Variants in RBBP8 observed in about 807,000 individuals in gnomAD.
The protein encoded by RBBP8 is RB binding protein 8, endonuclease.
RBBP8 carries 88 observed loss-of-function variants against 108.3 expected under a neutral mutation model. The ratio of observed to expected loss-of-function variants is 0.81; its 90% CI spans 0.68 to 0.97. The LOEUF (loss-of-function observed/expected upper bound fraction) is 0.97. RBBP8 is among the 50% of genes least tolerant of loss of function. The pLI, the probability that RBBP8 is intolerant of heterozygous loss-of-function variation, is 0.00. For synonymous variants in RBBP8, 332 were observed against 348.2 expected, an observed-to-expected ratio of 0.95 and a Z score of 0.52; for missense variants, 1,023 against 1,049.0, an observed-to-expected ratio of 0.98 and a Z score of 0.34.
At chr18:22,995,741 C>A (rs1264929723) in intron 12 of RBBP8, among the ~76,000 whole-genome samples, 1 of 151,888 alleles carries the variant, frequency 6.6e-6, no homozygotes, top group African/African-American at 2.4e-5. Context: ...TATTTTATTT[C>A]TTTTTATTGG....
chr18:22,955,735 G>T (rs113541371), intron 4 of RBBP8, among the ~76,000 whole-genome samples: 1 of 147,050 alleles, frequency 6.8e-6, no homozygotes, highest in African/African-American at 2.5e-5. Flanking sequence ...CCACTGCCTC[G>T]CCCGGCTAAT....
chr18:22,977,254 C>T (rs1050598087), intron 6 of RBBP8, among the ~76,000 whole-genome samples: 1 of 151,908 alleles, frequency 6.6e-6, no homozygotes, highest in East Asian at 1.9e-4. Flanking sequence ...TAAAGGCAAC[C>T]TAATTTTCTC....
intron 17 of RBBP8, among the ~76,000 whole-genome samples, chr18:23,020,616 G>A (rs1207525111): frequency 6.7e-6 from 1 of 149,882 alleles, no homozygotes; most frequent in East Asian, 1.9e-4. Context: ...AATCTTTTTA[G>A]AATAAAAGTT....
chr18:22,934,542 C>T (rs1598630423), intron 1 of RBBP8, among the ~76,000 whole-genome samples: 1 of 150,964 alleles, frequency 6.6e-6, no homozygotes, highest in East Asian at 1.9e-4. Context: ...ATTTTTTATA[C>T]TTTAAGTTCT....
At position 22,992,969 on chromosome 18, in the gene RBBP8, A is replaced by C; in HGVS notation, c.1142A>C (p.Asp381Ala). ...GAAAAAACTAGATCAAAATCTGAAG[A>C]TAGTGCCCTTTTCACACATCACAGT... ...RLEKTRSKSE[D>A]SALFTHHSLG... is the part of the protein sequence containing the mutation. The change falls in exon 11 of 19, where the codon GAT becomes GCT. Residue 381 changes from aspartate to alanine, a missense_variant. Asp to Ala is a moderately radical substitution (Grantham distance 126). Coordinates refer to ENST00000327155, the MANE Select transcript of RBBP8 (RefSeq NM_002894.3). The C allele has an allele frequency of 6.2e-7, 1 of 1,613,700 alleles. No individual in the cohort carries two copies. Among genetic ancestry groups the C allele is most frequent in the Non-Finnish European group, 8.5e-7 (1 of 1,179,568 alleles).
At chr18:23,019,571 C>T (rs2046314306) in intron 17 of RBBP8, among the ~76,000 whole-genome samples, 1 of 152,154 alleles carries the variant, frequency 6.6e-6, no homozygotes, top group Non-Finnish European at 1.5e-5. Context: ...TATCTGCCCT[C>T]AATTCCCAAA....
In RBBP8 at chr18:23,001,620, T is replaced by C. The variant is rs754854877; in HGVS notation, c.2178T>C (p.Asp726=). ...GAAAAATGAATGATAGCTTGGAAGA[T>C]ATGTTTGATCGGACAACACATGAAG... is the stretch of plus-strand genomic sequence containing the variant. ...EERKMNDSLE[D]MFDRTTHEEY... Residue 726 remains aspartate, a synonymous_variant, in exon 15 of 19, where the codon GAT becomes GAC. Coordinates refer to ENST00000327155, the MANE Select transcript of RBBP8 (RefSeq NM_002894.3). The C allele has an allele frequency of 1.9e-6, 3 of 1,614,106 alleles. No individual in the cohort carries two copies. Among genetic ancestry groups the C allele is most frequent in the South Asian group, 2.2e-5 (2 of 91,076 alleles).
chr18:22,972,341 G>A (rs566599525), intron 5 of RBBP8, among the ~76,000 whole-genome samples: 69 of 121,994 alleles, frequency 5.7e-4, no homozygotes, highest in African/African-American at 2.1e-3. Flanking sequence ...GCGACAGAGC[G>A]AGACTCCCTC....
In RBBP8 at chr18:23,026,320, GA is replaced by G. The variant is rs1226944380; in HGVS notation, c.*81del. On this transcript the variant is annotated 3_prime_UTR_variant, in exon 19 of 19. Transcript: ENST00000327155. ...ATAGTTAAAGTTGGTACTAAACATT[GA>G]TTTTTTTGATCTTCTGTAAATGGAT... 3 of 1,151,048 alleles carry G rather than the reference GA, an allele frequency of 2.6e-6. No individual in the cohort carries two copies. In the African/African-American group the frequency reaches 4.6e-5, roughly 18 times the overall value. 71.3% of individuals were successfully genotyped at this position (1,151,048 alleles called of 1,614,324 possible).
chr18:22,940,905 C>A (rs563952189), intron 2 of RBBP8, among the ~76,000 whole-genome samples: 59 of 152,122 alleles, frequency 3.9e-4, no homozygotes, highest in African/African-American at 1.4e-3. Flanking sequence ...CATTGGCCTC[C>A]AAAAGTGCTA....
At chr18:22,954,779 G>A (rs534665725) in intron 4 of RBBP8, among the ~76,000 whole-genome samples, 3 of 152,230 alleles carry the variant, frequency 2.0e-5, no homozygotes, top group East Asian at 1.9e-4. Flanking sequence ...CAATCATGGC[G>A]AAGGGGGAGT....
At chr18:23,022,841 G>A (rs1039685494) in intron 18 of RBBP8, among the ~76,000 whole-genome samples, 1 of 151,308 alleles carries the variant, frequency 6.6e-6, no homozygotes, top group Non-Finnish European at 1.5e-5. Flanking sequence ...TAATGTGATT[G>A]TGCTTATATT....
intron 3 of RBBP8, among the ~76,000 whole-genome samples, chr18:22,948,350 C>CT (rs1911747009): frequency 6.6e-6 from 1 of 151,796 alleles, no homozygotes; most frequent in African/African-American, 2.4e-5. Flanking sequence ...AATATATTTT[C>CT]TAGAAGTAGT....
At chr18:22,919,658 TC>T (rs1909508196) in intron 3 of RBBP8, among the ~76,000 whole-genome samples, 1 of 152,124 alleles carries the variant, frequency 6.6e-6, no homozygotes, top group Non-Finnish European at 1.5e-5. Context: ...TTCAAGCGAT[TC>T]TCCTGCCTCA....
intron 2 of RBBP8, among the ~76,000 whole-genome samples, chr18:22,940,482 G>A (rs1035304891): frequency 6.6e-6 from 1 of 151,532 alleles, no homozygotes; most frequent in Non-Finnish European, 1.5e-5. Flanking sequence ...CACCACGCCC[G>A]GCTAATTTTT....
intron 16 of RBBP8, among the ~76,000 whole-genome samples, chr18:23,010,244 C>T (rs1426200474): frequency 6.6e-6 from 1 of 152,164 alleles, no homozygotes; most frequent in Non-Finnish European, 1.5e-5. Flanking sequence ...AATAACCTTG[C>T]ACATTCTCTT....
At chr18:22,997,588 T>TA (rs1239137809) in intron 13 of RBBP8, 32 bp from the exon 14 acceptor site, 1 of 1,334,646 alleles carries the variant, frequency 7.5e-7, no homozygotes, top group East Asian at 2.5e-5. Flanking sequence ...GAATAATTGT[T>TA]AAAATTTTTG....
chr18:22,989,397 A>G (rs117350845), intron 9 of RBBP8, 79 bp downstream of exon 9: 190 of 1,057,768 alleles, frequency 1.8e-4, no homozygotes, highest in Non-Finnish European at 2.2e-4. Flanking sequence ...ATTAAGCAAG[A>G]GAATTGTTCT....
At chr18:22,994,111 C>T (rs1236622097) in intron 12 of RBBP8, among the ~76,000 whole-genome samples, 1 of 145,758 alleles carries the variant, frequency 6.9e-6, no homozygotes, top group Non-Finnish European at 1.5e-5. Context: ...AGCTCCGCCT[C>T]CCGGGTTCAC....
Sources: allele counts gnomAD v4.1 joint callset (sites outside exome capture counted in the v4.1 genomes callset), GRCh38; gene constraint gnomAD v4.1.1; transcripts MANE v1.5; gene names NCBI Gene and HGNC (gene_info 2026-07-23, HGNC 2026-07-21).